Variants in MYO10 observed in about 807,000 individuals in gnomAD.
MYO10 encodes unconventional myosin-X.
A neutral mutation model predicts 257.3 loss-of-function variants in MYO10; 133 were observed. That is an observed-to-expected ratio of 0.52 (90% confidence interval 0.45 to 0.60). The LOEUF (loss-of-function observed/expected upper bound fraction) is 0.60, where lower values mean the gene tolerates loss of function less well. Ranked by LOEUF, MYO10 falls within the 20% of genes least tolerant of loss-of-function variation. The probability of loss-of-function intolerance (pLI) is 0.00; values close to 1 mark genes in which losing one functional copy is unlikely to be tolerated. For missense variants in MYO10, 2,399 were observed against 2,635.7 expected, an observed-to-expected ratio of 0.91 and a Z score of 1.97; for synonymous variants, 1,104 against 1,028.6, an observed-to-expected ratio of 1.07 and a Z score of -1.40.
rs1736056350 is a variant in MYO10, at chr5:16,663,686, CAG to C, written c.*3004_*3005del. On this transcript the variant is annotated 3_prime_UTR_variant, in exon 41 of 41. Coordinates refer to ENST00000513610, the MANE Select transcript of MYO10 (RefSeq NM_012334.3). ...GTGCCTCTGCACTGTAGCCTGGTGACAGAGTGAGACCCTGTCTCAAATAAACA... is the reference window on the plus strand; with the variant it reads ...GTGCCTCTGCACTGTAGCCTGGTGACAGTGAGACCCTGTCTCAAATAAACA... 3 of 152,036 alleles carry C rather than the reference CAG, an allele frequency of 2.0e-5. No individual in the cohort carries two copies. The highest frequency in any genetic ancestry group is 6.6e-5 in the Admixed American group (1 of 15,260). The allele number at this position is 152,036 out of a possible 1,614,324, so 9.4% of individuals were successfully genotyped here.
chr5:16,802,096 G>A (rs1254146325), intron 3 of MYO10, among the ~76,000 whole-genome samples: 2 of 152,096 alleles, frequency 1.3e-5, no homozygotes, highest in African/African-American at 2.4e-5. Context: ...TAGAGAAAGT[G>A]GAAATGTACA....
chr5:16,837,213 A>G lies in MYO10; in HGVS notation c.121-19046T>C, dbSNP rs139676739. ...TAATCCCAGCTACTTGGGAGGCTGAAGCAGGAGAATTGCTGAAACCCGGGA... is the reference window on the plus strand; with the variant it reads ...TAATCCCAGCTACTTGGGAGGCTGAGGCAGGAGAATTGCTGAAACCCGGGA... On this transcript the variant is annotated intron_variant, in intron 2 of 40. Transcript: ENST00000513610. Among the ~76,000 whole-genome samples the G allele has an allele frequency of 1.0e-3, 159 of 152,136 alleles. 1 individual carries two copies. The East Asian group carries it at 0.028, about 27-fold the overall frequency.
rs553202263 is a variant in MYO10, at chr5:16,712,863, T to C, written c.1930-1618A>G. On this transcript the variant is annotated intron_variant, in intron 19 of 40. Coordinates refer to ENST00000513610, the MANE Select transcript of MYO10 (RefSeq NM_012334.3). ...TCTCTGTTTTTAGTCTTGATTAAAT[T>C]ATCCTCAGAAAAGTAAGAAAAGCAT... Among the ~76,000 whole-genome samples the C allele has an allele frequency of 2.0e-5, 3 of 152,330 alleles. No individual in the cohort carries two copies. In the South Asian group the frequency reaches 6.2e-4, roughly 32 times the overall value.
At chr5:16,715,544 C>T (rs1450033673) in intron 19 of MYO10, among the ~76,000 whole-genome samples, 2 of 140,332 alleles carry the variant, frequency 1.4e-5, no homozygotes, top group Admixed American at 7.7e-5. Context: ...AAGTAATCTG[C>T]CTGCCTCCGC....
chr5:16,904,247 C>A (rs929157057), intron 1 of MYO10, among the ~76,000 whole-genome samples: 1 of 152,124 alleles, frequency 6.6e-6, no homozygotes, highest in Non-Finnish European at 1.5e-5. Context: ...AGACCCTTCC[C>A]ACACACCTAG....
intron 1 of MYO10, among the ~76,000 whole-genome samples, chr5:16,914,306 CAT>C (rs1179637007): frequency 6.6e-6 from 1 of 152,180 alleles, no homozygotes; most frequent in Non-Finnish European, 1.5e-5. Context: ...TGCCATTCCA[CAT>C]GATTCCTGCC....
intron 26 of MYO10, among the ~76,000 whole-genome samples, chr5:16,695,827 T>C (rs1737721470): frequency 6.6e-6 from 1 of 152,212 alleles, no homozygotes; most frequent in South Asian, 2.1e-4. Flanking sequence ...AACCAGACAG[T>C]GCACTTGCTT....
intron 6 of MYO10, 149 bp downstream of exon 6, chr5:16,781,556 C>A (rs1741424535): frequency 1.2e-6 from 1 of 832,892 alleles, no homozygotes; most frequent in East Asian, 2.7e-5. Context: ...AACAGGTATA[C>A]TAACATTAGA....
At position 16,783,400 on chromosome 5, in the gene MYO10, T is replaced by C. The variant is rs751196913; in HGVS notation, c.537A>G (p.Gln179=). Residue 179 remains glutamine (Q), a synonymous_variant, in exon 5 of 41, where the codon CAA becomes CAG. Transcript: ENST00000513610. ...CCTTTAAGGACAATTCCAAAGACTG[T>C]TGACTGATGACTGACAGAAACTTGA... ...LILKFLSVIS[Q]QSLELSLKEK... 6.2e-7 allele frequency: 1 copy of C among 1,608,486 alleles called. No individual in the cohort carries two copies. Among genetic ancestry groups the C allele is most frequent in the Non-Finnish European group, 8.5e-7 (1 of 1,177,376 alleles).
intron 28 of MYO10, among the ~76,000 whole-genome samples, chr5:16,688,715 G>C (rs1223150180): frequency 6.6e-6 from 1 of 151,142 alleles, no homozygotes; most frequent in Non-Finnish European, 1.5e-5. Flanking sequence ...ACTCCAGCCT[G>C]GGCAACAAGA....
intron 2 of MYO10, among the ~76,000 whole-genome samples, chr5:16,862,590 G>A (rs1444115474): frequency 6.6e-6 from 1 of 152,094 alleles, no homozygotes; most frequent in African/African-American, 2.4e-5. Context: ...TACAACAAAA[G>A]CATAGTATTT....
intron 1 of MYO10, among the ~76,000 whole-genome samples, chr5:16,881,826 T>TAA (rs1744762337): frequency 6.6e-6 from 1 of 152,114 alleles, no homozygotes; most frequent in African/African-American, 2.4e-5. Flanking sequence ...CCAGACCATC[T>TAA]AAGTTGGAGT....
At chr5:16,765,525 C>A (rs1320918806) in intron 11 of MYO10, among the ~76,000 whole-genome samples, 1 of 152,126 alleles carries the variant, frequency 6.6e-6, no homozygotes, top group Non-Finnish European at 1.5e-5. Context: ...TCTAAGAAAA[C>A]CCTAATACAA....
At chr5:16,823,767 TGGCTGGG>T (rs1469888537) in intron 2 of MYO10, among the ~76,000 whole-genome samples, 1 of 138,164 alleles carries the variant, frequency 7.2e-6, no homozygotes, top group East Asian at 2.5e-4. Flanking sequence ...CCACTGCGCC[TGGCTGGG>T]GGCGGGGGGC....
Position 16,694,491 on chromosome 5 carries a change from G to T in MYO10, c.3680C>A (p.Ser1227Tyr). 1 of 1,614,008 alleles carries T rather than the reference G, an allele frequency of 6.2e-7. No individual in the cohort carries two copies. Among genetic ancestry groups the T allele is most frequent in the Non-Finnish European group, 8.5e-7 (1 of 1,179,890 alleles). The change falls in exon 27 of 41, where the codon TCC (serine) becomes TAC (tyrosine). Residue 1227 changes from serine (S) to tyrosine (Y), a missense_variant. Ser to Tyr is a moderately radical substitution (Grantham distance 144). Transcript: ENST00000513610. ...CTTCCAATTTCTCCTGGACAGCGTG[G>T]AGGAGCCCCCCCCTTTTTTGTGGAG... ...GWLHKKGGGS[S>Y]TLSRRNWKKR...
intron 19 of MYO10, among the ~76,000 whole-genome samples, chr5:16,732,380 T>C (rs931628257): frequency 2.0e-5 from 3 of 152,290 alleles, no homozygotes; most frequent in South Asian, 4.1e-4. Context: ...CCCCCTTGGG[T>C]ATAATCTGTT....
chr5:16,712,149 G>A (rs968039004), intron 19 of MYO10, among the ~76,000 whole-genome samples: 6 of 151,934 alleles, frequency 3.9e-5, no homozygotes, highest in African/African-American at 1.2e-4. Context: ...AGATGACCAC[G>A]CTAGCCGGTT....
intron 29 of MYO10, 79 bp from the exon 30 acceptor site, chr5:16,684,014 A>G: frequency 7.8e-7 from 1 of 1,283,198 alleles, no homozygotes; most frequent in Non-Finnish European, 1.1e-6. Flanking sequence ...TCTAGCCCAC[A>G]ACTCCCAATC....
Position 16,780,585 on chromosome 5 carries a change from G to T in MYO10, c.765C>A (p.Pro255=). 6.3e-7 allele frequency: 1 copy of T among 1,580,008 alleles called. No homozygotes were observed. Among genetic ancestry groups the T allele is most frequent in the East Asian group, 2.3e-5 (1 of 43,960 alleles). The change falls in exon 8 of 41, where the codon CCC becomes CCA. Residue 255 remains proline (P), a synonymous_variant. Coordinates refer to ENST00000513610, the MANE Select transcript of MYO10 (RefSeq NM_012334.3). ...AAAATATGTGATAATTCCTTTCCCC[G>T]GGATTTTGCCTTACTACTCGGTTCT... ...LEKNRVVRQN[P]GERNYHIFYA...
Sources: allele counts gnomAD v4.1 joint callset (sites outside exome capture counted in the v4.1 genomes callset), GRCh38; gene constraint gnomAD v4.1.1; transcripts MANE v1.5; gene names NCBI Gene and HGNC (gene_info 2026-07-23, HGNC 2026-07-21).